Variants in MMS22L observed in about 807,000 individuals in gnomAD.
The protein encoded by MMS22L is protein MMS22-like.
Under a neutral mutation model 159.1 loss-of-function variants are expected in MMS22L, and 74 were observed. The observed-to-expected ratio is 0.47, with a 90% confidence interval of 0.39 to 0.56. The LOEUF is 0.56. Ranked by LOEUF, MMS22L falls within the 20% of genes least tolerant of loss-of-function variation. MMS22L has a pLI of 0.00. For missense variants in MMS22L, 1,351 were observed against 1,422.1 expected (o/e 0.95, Z 0.80); for synonymous variants, 517 against 506.9 (o/e 1.02, Z -0.27).
Position 97,186,510 on chromosome 6 carries a change from C to G in MMS22L, c.2220G>C (p.Ala740=). ...ATTAATGCTGACCTGCAGCTGCATC[C>G]GCAAGTTGTGAGAAAGGCACTACCT... The part of the protein sequence containing the change: ...MSQVVPFSQL[A]DAAADFTLLA... The change falls in exon 15 of 25, where the codon GCG becomes GCC. Residue 740 remains alanine, a synonymous_variant. Transcript: ENST00000683635. 1 of 1,612,008 alleles carries G rather than the reference C, an allele frequency of 6.2e-7. No homozygotes were observed. Among genetic ancestry groups the G allele is most frequent in the Non-Finnish European group, 8.5e-7 (1 of 1,179,158 alleles).
chr6:97,203,349 C>T lies in MMS22L; in HGVS notation c.2040-16659G>A, dbSNP rs141943633. On this transcript the variant is annotated intron_variant, in intron 14 of 24. Coordinates refer to ENST00000683635, the MANE Select transcript of MMS22L (RefSeq NM_001350599.2). Reference sequence around the variant, plus strand: ...TTTAACTCAGGTAAAAATCAATATACAGCGAGACAAAGGGCTCTAGAGGGT... The same window carrying T: ...TTTAACTCAGGTAAAAATCAATATATAGCGAGACAAAGGGCTCTAGAGGGT... Among the ~76,000 whole-genome samples the T allele has an allele frequency of 5.3e-5, 8 of 152,164 alleles. No homozygotes were observed. The East Asian group carries it at 1.5e-3, about 29-fold the overall frequency.
chr6:97,270,266 C>A, intron 6 of MMS22L: 1 of 559,260 alleles, frequency 1.8e-6, no homozygotes, highest in African/African-American at 1.9e-5. Context: ...TTCCAACCAA[C>A]CTCTGATTCT....
rs1448073610 is a variant in MMS22L at position 97,146,920 on chromosome 6, A to G, written c.3651-33T>C. ...AGAAAAAAGAAAAGAAAGCAAATAT[A>G]TTAACATTTTCATTATTTTTCATTT... On this transcript the variant is annotated intron_variant, in intron 24 of 24. Transcript: ENST00000683635. The G allele has an allele frequency of 4.4e-6, 6 of 1,354,068 alleles. No individual in the cohort carries two copies. The African/African-American group carries it at 4.6e-5, about 10-fold the overall frequency. 83.9% of individuals were successfully genotyped at this position (1,354,068 alleles called of 1,614,324 possible).
chr6:97,233,013 C>A (rs1811027537), intron 12 of MMS22L, among the ~76,000 whole-genome samples: 1 of 151,498 alleles, frequency 6.6e-6, no homozygotes, highest in Admixed American at 6.6e-5. Context: ...TTTGCTCATA[C>A]AACTACAATA....
Position 97,202,233 on chromosome 6 carries a change from G to T in MMS22L, c.2040-15543C>A, listed in dbSNP as rs111902831. Among the ~76,000 whole-genome samples the T allele has an allele frequency of 2.6e-4, 39 of 152,234 alleles. 2 individuals are homozygous for T. The highest frequency in any genetic ancestry group is 8.7e-4 in the African/African-American group (36 of 41,532). On this transcript the variant is annotated intron_variant, in intron 14 of 24. Transcript: ENST00000683635. ...ATCCTAAATAACAGTTTACTATTCA[G>T]GCCTTCCTAGGAATTTTAAACTAGC...
intron 20 of MMS22L, among the ~76,000 whole-genome samples, chr6:97,166,137 T>C (rs1346985286): frequency 1.3e-5 from 2 of 152,176 alleles, no homozygotes; most frequent in African/African-American, 4.8e-5. Flanking sequence ...TCTGGTTGCA[T>C]GTCTGTTTAT....
intron 14 of MMS22L, among the ~76,000 whole-genome samples, chr6:97,209,374 T>C (rs778624709): frequency 2.6e-5 from 4 of 152,020 alleles, no homozygotes; most frequent in Non-Finnish European, 4.4e-5. Flanking sequence ...TGTGCTATCA[T>C]ATACTCCAAC....
intron 14 of MMS22L, among the ~76,000 whole-genome samples, chr6:97,204,352 T>C (rs1436749516): frequency 6.6e-6 from 1 of 152,202 alleles, no homozygotes; most frequent in Non-Finnish European, 1.5e-5. Context: ...ACCATCCTCA[T>C]GGTTAAGATA....
chr6:97,281,426 TTCTTTACA>T (rs1181766066), intron 2 of MMS22L, 64 bp from the exon 3 acceptor site: 1 of 1,331,104 alleles, frequency 7.5e-7, no homozygotes, highest in African/African-American at 1.5e-5. Flanking sequence ...GACGGCTCTT[TTCTTTACA>T]TTATTTGAAT....
chr6:97,282,661 A>C, intron 1 of MMS22L, 108 bp from the exon 2 acceptor site: 1 of 486,026 alleles, frequency 2.1e-6, no homozygotes, highest in Non-Finnish European at 3.5e-6. Flanking sequence ...CAGAGGCCAA[A>C]TTCCCAATTC....
intron 20 of MMS22L, among the ~76,000 whole-genome samples, chr6:97,167,709 T>C (rs887824942): frequency 6.6e-6 from 1 of 152,162 alleles, no homozygotes; most frequent in East Asian, 1.9e-4. Flanking sequence ...CCCTCTGAAA[T>C]GAAAAGCCCT....
Position 97,282,501 on chromosome 6 carries a change from C to T in MMS22L, c.-24G>A. On this transcript the variant is annotated 5_prime_UTR_variant, in exon 2 of 25. The change creates a new upstream start codon in the 5' untranslated region. Coordinates refer to ENST00000683635, the MANE Select transcript of MMS22L (RefSeq NM_001350599.2). ...ATTGTTTACTTCATGTTCTGAAACA[C>T]TTGGGGTTCGTCGTATCATTAAGGG... is the stretch of plus-strand genomic sequence containing the variant. The T allele has an allele frequency of 6.7e-7, 1 of 1,489,862 alleles. No homozygotes were observed. The highest frequency in any genetic ancestry group is 9.0e-7 in the Non-Finnish European group (1 of 1,108,886). The allele number at this position is 1,489,862 out of a possible 1,614,324, so 92.3% of individuals were successfully genotyped here. A position where few individuals can be genotyped will look rare whatever the true frequency, so the allele number is the denominator to read the frequency against.
intron 3 of MMS22L, among the ~76,000 whole-genome samples, chr6:97,280,316 C>T (rs1228687514): frequency 1.3e-5 from 2 of 151,914 alleles, no homozygotes; most frequent in Admixed American, 1.3e-4. Flanking sequence ...TAATGAAGAA[C>T]TTTAATTTTT....
At chr6:97,191,816 T>C (rs1805893596) in intron 14 of MMS22L, among the ~76,000 whole-genome samples, 1 of 152,060 alleles carries the variant, frequency 6.6e-6, no homozygotes, top group South Asian at 2.1e-4. Flanking sequence ...TGCCTTATTA[T>C]CCAGGAAGAA....
chr6:97,203,477 A>G (rs1367895817), intron 14 of MMS22L, among the ~76,000 whole-genome samples: 1 of 152,176 alleles, frequency 6.6e-6, no homozygotes, highest in African/African-American at 2.4e-5. Context: ...GATACTCAAT[A>G]AACAGTTTCT....
intron 14 of MMS22L, among the ~76,000 whole-genome samples, chr6:97,225,497 C>T (rs191322071): frequency 3.6e-4 from 55 of 152,012 alleles, no homozygotes; most frequent in Non-Finnish European, 6.8e-4. Context: ...ATTACAGGCA[C>T]ACACCACCAT....
chr6:97,243,406 A>G (rs1292310491), intron 11 of MMS22L, among the ~76,000 whole-genome samples: 1 of 151,838 alleles, frequency 6.6e-6, no homozygotes, highest in African/African-American at 2.4e-5. Context: ...ATTTCTCTAA[A>G]TGTGTCTTTC....
At chr6:97,275,959 G>T (rs140923524) in intron 4 of MMS22L, among the ~76,000 whole-genome samples, 2 of 152,032 alleles carry the variant, frequency 1.3e-5, no homozygotes, top group Non-Finnish European at 2.9e-5. Flanking sequence ...AGTCATGATC[G>T]CACCACTGCA....
rs775809198 is a variant in MMS22L at position 97,162,118 on chromosome 6, G to A, written c.3269C>T (p.Ala1090Val). 4.3e-6 allele frequency: 7 copies of A among 1,610,996 alleles called. No individual in the cohort carries two copies. The African/African-American group carries it at 8.0e-5, about 18-fold the overall frequency. Residue 1090 changes from alanine (A) to valine (V), a missense_variant, in exon 22 of 25, where the codon GCA (alanine) becomes GTA (valine). Physicochemically the swap from Ala to Val is moderately conservative, Grantham distance 64. Coordinates refer to ENST00000683635, the MANE Select transcript of MMS22L (RefSeq NM_001350599.2). ...TTGGAGGATGAAGGCCAGAATGGAT[G>A]CTAAGCGAGGAGGAGGTGAGGACCC... Reference protein sequence around the residue: ...YKGSSPPPRLASILAFILQLF... With the variant: ...YKGSSPPPRLVSILAFILQLF...
Sources: gnomAD v4.1 joint callset for allele counts (sites outside exome capture counted in the v4.1 genomes callset) on GRCh38, gnomAD v4.1.1 for gene constraint, MANE v1.5 for transcripts, NCBI Gene and HGNC (gene_info 2026-07-23, HGNC 2026-07-21) for gene names.